Variants in PKD1L3 observed in about 807,000 individuals in gnomAD.
The protein encoded by PKD1L3 is polycystin-1-like protein 3.
Under a neutral mutation model 184.1 loss-of-function variants are expected in PKD1L3, and 239 were observed. That is an observed-to-expected ratio of 1.30 (90% confidence interval 1.17 to 1.45). PKD1L3 has a LOEUF of 1.45. Among genes scored for constraint, PKD1L3 ranks in the 40% most tolerant of loss-of-function variants. The pLI is 0.00. For missense variants in PKD1L3, 2,660 were observed against 2,067.2 expected, an observed-to-expected ratio of 1.29 and a Z score of -5.56; for synonymous variants, 996 against 778.8, an observed-to-expected ratio of 1.28 and a Z score of -4.64.
chr16:71,980,915 C>T (rs766942031), intron 7 of PKD1L3, among the ~76,000 whole-genome samples: 3 of 152,174 alleles, frequency 2.0e-5, no homozygotes, highest in Non-Finnish European at 2.9e-5. Flanking sequence ...TAGGCAACAA[C>T]GAATCTACTT....
intron 16 of PKD1L3, among the ~76,000 whole-genome samples, chr16:71,959,889 A>G (rs2039203073): frequency 6.6e-6 from 1 of 152,094 alleles, no homozygotes; most frequent in Admixed American, 6.6e-5. Context: ...AGACCAAGAC[A>G]TGCAGATCAC....
At chr16:71,998,575 C>T (rs2040868161) in intron 1 of PKD1L3, among the ~76,000 whole-genome samples, 181 bp from the exon 2 acceptor site, 1 of 152,174 alleles carries the variant, frequency 6.6e-6, no homozygotes, top group South Asian at 2.1e-4. Context: ...CTCAGCCTCC[C>T]AAGTAGCTGG....
chr16:71,936,481 G>A (rs2038180412), intron 25 of PKD1L3, among the ~76,000 whole-genome samples: 1 of 151,030 alleles, frequency 6.6e-6, no homozygotes, highest in Non-Finnish European at 1.5e-5. Context: ...GGGATTACAG[G>A]CGTGAGCCAC....
At position 71,982,160 on chromosome 16, in the gene PKD1L3, C is replaced by T. The variant is rs2040186015; in HGVS notation, c.1042G>A (p.Gly348Ser). 6.4e-7 allele frequency: 1 copy of T among 1,551,278 alleles called. No homozygotes were observed. Among genetic ancestry groups the T allele is most frequent in the African/African-American group, 1.4e-5 (1 of 72,918 alleles). Residue 348 changes from glycine (G) to serine (S), a missense_variant, in exon 7 of 30, where the codon GGC becomes AGC. Transcript: ENST00000620267. ...RIPFQNNNSL[G>S]FKVPPTVCPF... ...CAGACAGTTGGAGGAACTTTGAAGC[C>T]CAGACTGTTGTTGTTCTGAAATGGG... is the stretch of plus-strand genomic sequence containing the variant.
chr16:71,983,657 C>CTCTT (rs1194087480), intron 6 of PKD1L3, among the ~76,000 whole-genome samples: 1 of 53,086 alleles, frequency 1.9e-5, no homozygotes, highest in African/African-American at 8.0e-5. Flanking sequence ...TCTCCAGATT[C>CTCTT]TCTTTCTTTT....
intron 21 of PKD1L3, among the ~76,000 whole-genome samples, chr16:71,949,325 T>C (rs1344700455): frequency 6.6e-6 from 1 of 151,770 alleles, no homozygotes; most frequent in Non-Finnish European, 1.5e-5. Context: ...CCCTAACAAA[T>C]GTCAGTTAAA....
chr16:71,963,534 C>T (rs1189629214), intron 15 of PKD1L3, among the ~76,000 whole-genome samples, 183 bp from the exon 16 acceptor site: 1 of 152,188 alleles, frequency 6.6e-6, no homozygotes, highest in Non-Finnish European at 1.5e-5. Flanking sequence ...ACAATCCCAG[C>T]ACTGCGTGAG....
At chr16:71,992,612 T>C (rs147317070) in intron 3 of PKD1L3, among the ~76,000 whole-genome samples, 1 of 152,346 alleles carries the variant, frequency 6.6e-6, no homozygotes, top group East Asian at 1.9e-4. Context: ...TTACAAAGGA[T>C]TGAGAAAAGC....
In PKD1L3 at chr16:71,950,115, T is replaced by A. The variant is rs1444337824; in HGVS notation, c.3383+3A>T. 1.9e-6 allele frequency: 3 copies of A among 1,551,392 alleles called. No individual in the cohort carries two copies. The South Asian group carries it at 3.6e-5, about 18-fold the overall frequency. ...ATAAAGAAGGCTTGGTGTGGTGCATTACCTGGATGGCTCTTGCTCCGTGGG... is the reference window on the plus strand; with the variant it reads ...ATAAAGAAGGCTTGGTGTGGTGCATAACCTGGATGGCTCTTGCTCCGTGGG... On this transcript the variant is annotated splice_donor_region_variant and intron_variant, in intron 20 of 29. Coordinates refer to ENST00000620267, the MANE Select transcript of PKD1L3 (RefSeq NM_181536.2).
At chr16:71,937,639 G>C (rs2038225943) in intron 24 of PKD1L3, among the ~76,000 whole-genome samples, 1 of 152,066 alleles carries the variant, frequency 6.6e-6, no homozygotes, top group Non-Finnish European at 1.5e-5. Context: ...GTCAGTAGTG[G>C]GAAAGGATAT....
At chr16:71,990,723 G>A (rs1344528477) in intron 3 of PKD1L3, among the ~76,000 whole-genome samples, 2 of 151,848 alleles carry the variant, frequency 1.3e-5, no homozygotes, top group Admixed American at 1.3e-4. Context: ...AACAGAGCTA[G>A]ATTCCACCCC....
chr16:71,963,656 C>G (rs961578917), intron 15 of PKD1L3, among the ~76,000 whole-genome samples: 1 of 152,012 alleles, frequency 6.6e-6, no homozygotes, highest in African/African-American at 2.4e-5. Flanking sequence ...GTGGTGTGCA[C>G]CTGTAGTCCT....
rs189948159 is a variant in PKD1L3 at position 71,952,315 on chromosome 16, T to C, written c.3010-571A>G. On this transcript the variant is annotated intron_variant, in intron 18 of 29. Coordinates refer to ENST00000620267, the MANE Select transcript of PKD1L3 (RefSeq NM_181536.2). ...GCAACCTCCGCCTCCTGGGTTCAAGTGATTCTCCTGGCTCAGCTTCCTGAG... is the reference window on the plus strand; with the variant it reads ...GCAACCTCCGCCTCCTGGGTTCAAGCGATTCTCCTGGCTCAGCTTCCTGAG... Among the ~76,000 whole-genome samples, 660 of 147,466 alleles carry C rather than the reference T, an allele frequency of 4.5e-3. 8 individuals are homozygous for C. Among genetic ancestry groups the C allele is most frequent in the African/African-American group, 0.015 (620 of 40,040 alleles).
intron 12 of PKD1L3, among the ~76,000 whole-genome samples, chr16:71,971,623 C>T (rs1181630302): frequency 1.3e-5 from 2 of 152,198 alleles, no homozygotes; most frequent in Non-Finnish European, 1.5e-5. Context: ...AGCTTCTCTA[C>T]TCAAAGTATG....
At chr16:71,933,888 A>G in intron 27 of PKD1L3, 27 bp downstream of exon 27, 1 of 1,546,096 alleles carries the variant, frequency 6.5e-7, no homozygotes, top group African/African-American at 1.4e-5. Flanking sequence ...CACACGGAGA[A>G]GGAGAGACAG....
Position 71,949,949 on chromosome 16 carries a change from T to C in PKD1L3, c.3452A>G (p.Lys1151Arg), listed in dbSNP as rs1034048895. The change falls in exon 21 of 30, where the codon AAA (lysine) becomes AGA (arginine). Residue 1151 changes from lysine (K) to arginine (R), a missense_variant. Transcript: ENST00000620267. ...GAGCCAGCAGACTGAAGTCAACCAT[T>C]TGGACAGGCCATTTGAGATGGGCTT... ...GKKPISNGLS[K>R]WLTSVCWLLL... The C allele has an allele frequency of 6.4e-7, 1 of 1,551,592 alleles. No individual in the cohort carries two copies. Among genetic ancestry groups the C allele is most frequent in the Non-Finnish European group, 8.7e-7 (1 of 1,146,998 alleles).
chr16:71,963,434 T>G, intron 15 of PKD1L3, 83 bp from the exon 16 acceptor site: 2 of 1,343,164 alleles, frequency 1.5e-6, no homozygotes, highest in South Asian at 3.3e-5. Flanking sequence ...AGACCATTAG[T>G]AAACTGTCCA....
intron 4 of PKD1L3, among the ~76,000 whole-genome samples, chr16:71,989,609 T>C (rs548282349): frequency 2.0e-5 from 3 of 152,386 alleles, no homozygotes; most frequent in African/African-American, 7.2e-5. Flanking sequence ...TTATAGATTA[T>C]GTGGACAGTT....
chr16:71,991,751 T>C (rs1206802173), intron 3 of PKD1L3, among the ~76,000 whole-genome samples: 3 of 152,236 alleles, frequency 2.0e-5, no homozygotes, highest in Admixed American at 2.0e-4. Flanking sequence ...TGTGTATATG[T>C]AGCATCATGT....
Sources: allele counts gnomAD v4.1 joint callset (sites outside exome capture counted in the v4.1 genomes callset), GRCh38; gene constraint gnomAD v4.1.1; transcripts MANE v1.5; gene names NCBI Gene and HGNC (gene_info 2026-07-23, HGNC 2026-07-21).